GRID2: variants seen among roughly 807,000 people sequenced by gnomAD.
The protein encoded by GRID2 is glutamate ionotropic receptor delta type subunit 2.
Under a neutral mutation model 114.8 loss-of-function variants are expected in GRID2, and 33 were observed. That is an observed-to-expected ratio of 0.29 (90% confidence interval 0.22 to 0.38). The LOEUF (loss-of-function observed/expected upper bound fraction) is 0.38. GRID2 is among the 10% of genes least tolerant of loss of function. GRID2 has a pLI of 1.00. For synonymous variants in GRID2, 505 were observed against 449.9 expected (o/e 1.12, Z -1.55); for missense variants, 1,184 against 1,257.7 (o/e 0.94, Z 0.89).
intron 1 of GRID2, among the ~76,000 whole-genome samples, chr4:92,373,562 A>G (rs1729216494): frequency 6.6e-6 from 1 of 152,186 alleles, no homozygotes. Flanking sequence ...AAATAATTTC[A>G]TGCCGGATAT....
chr4:93,462,038 A>G (rs943190268), intron 11 of GRID2, among the ~76,000 whole-genome samples: 1 of 152,202 alleles, frequency 6.6e-6, no homozygotes, highest in Admixed American at 6.5e-5. Context: ...TATGGGAAAT[A>G]GAAATATTTA....
intron 14 of GRID2, among the ~76,000 whole-genome samples, chr4:93,694,396 G>A (rs994572489): frequency 7.2e-5 from 11 of 152,096 alleles, no homozygotes; most frequent in African/African-American, 2.4e-4. Flanking sequence ...ACATCCTCAT[G>A]TTGATTTACA....
chr4:93,654,124 C>G (rs1255998560), intron 14 of GRID2, among the ~76,000 whole-genome samples: 1 of 152,108 alleles, frequency 6.6e-6, no homozygotes, highest in Non-Finnish European at 1.5e-5. Context: ...CTTTTCATAT[C>G]CACGATCATT....
chr4:92,529,756 C>T (rs1184405694), intron 1 of GRID2, among the ~76,000 whole-genome samples: 2 of 152,144 alleles, frequency 1.3e-5, no homozygotes, highest in Non-Finnish European at 2.9e-5. Context: ...CACTTAGGAC[C>T]ATCTCTTCAA....
chr4:93,777,696 A>T (rs537799077), downstream of GRID2, among the ~76,000 whole-genome samples: 1 of 152,318 alleles, frequency 6.6e-6, no homozygotes, highest in Non-Finnish European at 1.5e-5. Flanking sequence ...TTAATTAAAA[A>T]CTAATTAAGC....
intron 2 of GRID2, among the ~76,000 whole-genome samples, chr4:92,762,898 G>A (rs1738087493): frequency 6.6e-6 from 1 of 152,078 alleles, no homozygotes; most frequent in Admixed American, 6.5e-5. Flanking sequence ...TCTGACCTAT[G>A]CTTTACTCTG....
At chr4:92,613,769 T>G (rs1729868482) in intron 2 of GRID2, among the ~76,000 whole-genome samples, 1 of 151,486 alleles carries the variant, frequency 6.6e-6, no homozygotes, top group South Asian at 2.1e-4. Context: ...TCTTTAAATT[T>G]TTGTCAGTCT....
chr4:93,165,181 C>T (rs1738129607), intron 4 of GRID2, among the ~76,000 whole-genome samples: 1 of 152,026 alleles, frequency 6.6e-6, no homozygotes, highest in South Asian at 2.1e-4. Flanking sequence ...ATTATGTAAG[C>T]AGATATCACA....
At chr4:93,774,842 T>C (rs186351433), downstream of GRID2, among the ~76,000 whole-genome samples, 807 of 152,198 alleles carry the variant, frequency 5.3e-3, 6 homozygotes, top group African/African-American at 0.018. Flanking sequence ...GGGAAAGATT[T>C]ATCCTGTTTC....
chr4:93,676,264 T>C (rs1049185026), intron 14 of GRID2, among the ~76,000 whole-genome samples: 10 of 152,222 alleles, frequency 6.6e-5, no homozygotes, highest in African/African-American at 2.4e-4. Context: ...TAAATTATTG[T>C]TGAAAGATTT....
intron 2 of GRID2, among the ~76,000 whole-genome samples, chr4:92,816,901 G>A (rs1740951387): frequency 6.6e-6 from 1 of 152,116 alleles, no homozygotes; most frequent in Non-Finnish European, 1.5e-5. Flanking sequence ...TAGTGTGCAT[G>A]TATCTGCAAT....
rs10084856 is a variant in GRID2 at position 93,107,489 on chromosome 4, G to A, written c.530-3259G>A. On this transcript the variant is annotated intron_variant, in intron 3 of 15. Transcript: ENST00000282020. ...TGATCAAAAATTAAAGCTAAAAAAC[G>A]TTATATAGTTTCAAATTAAGGATAA... 2.0e-4 allele frequency among the ~76,000 whole-genome samples: 31 copies of A among 151,928 alleles called. 2 individuals carry two copies. The South Asian group carries it at 4.4e-3, about 21-fold the overall frequency.
chr4:93,584,121 A>G (rs1469500369), intron 13 of GRID2, among the ~76,000 whole-genome samples: 2 of 152,312 alleles, frequency 1.3e-5, no homozygotes, highest in East Asian at 1.9e-4. Context: ...TGAGTAAAAT[A>G]TATCTAGAAG....
chr4:92,511,452 A>T (rs918376471), intron 1 of GRID2, among the ~76,000 whole-genome samples: 1 of 151,888 alleles, frequency 6.6e-6, no homozygotes. Context: ...TCCAAATCAT[A>T]TTATCATCCA....
intron 14 of GRID2, among the ~76,000 whole-genome samples, chr4:93,708,565 G>T (rs1394329635): frequency 6.6e-6 from 1 of 151,874 alleles, no homozygotes. Context: ...CTCTATAGGC[G>T]AAGTGTGTTT....
intron 3 of GRID2, among the ~76,000 whole-genome samples, chr4:93,102,658 A>T (rs2149341958): frequency 6.6e-6 from 1 of 152,078 alleles, no homozygotes; most frequent in Non-Finnish European, 1.5e-5. Flanking sequence ...AAAACAAGGG[A>T]GGCATCCAGA....
At chr4:93,458,063 T>C (rs1203547862) in intron 11 of GRID2, among the ~76,000 whole-genome samples, 2 of 152,104 alleles carry the variant, frequency 1.3e-5, no homozygotes, top group Non-Finnish European at 2.9e-5. Context: ...AAACTCCTGA[T>C]TGAGGACCAC....
intron 2 of GRID2, among the ~76,000 whole-genome samples, chr4:93,064,753 C>A (rs1177099721): frequency 6.6e-6 from 1 of 151,856 alleles, no homozygotes; most frequent in Non-Finnish European, 1.5e-5. Flanking sequence ...CAATAATTTT[C>A]TACTGCATCC....
intron 5 of GRID2, among the ~76,000 whole-genome samples, chr4:93,209,557 T>C (rs1318960917): frequency 6.6e-6 from 1 of 152,158 alleles, no homozygotes; most frequent in Non-Finnish European, 1.5e-5. Flanking sequence ...GCAATGGACA[T>C]AGGCATGCAT....
Sources: allele counts gnomAD v4.1 joint callset (sites outside exome capture counted in the v4.1 genomes callset), GRCh38; gene constraint gnomAD v4.1.1; transcripts MANE v1.5; gene names NCBI Gene and HGNC (gene_info 2026-07-23, HGNC 2026-07-21).